The following FGGY variants were observed in gnomAD, a reference collection of about 807,000 sequenced individuals.
The protein encoded by FGGY is FGGY carbohydrate kinase domain containing.
Under a neutral mutation model 71.3 loss-of-function variants are expected in FGGY, and 72 were observed. The ratio of observed to expected loss-of-function variants is 1.01; its 90% CI spans 0.84 to 1.23. The LOEUF is 1.23. Among genes scored for constraint, FGGY ranks in the 50% most tolerant of loss-of-function variants. The pLI is 0.00. For synonymous variants in FGGY, 251 were observed against 250.3 expected (o/e 1.00, Z -0.02); for missense variants, 668 against 682.3 (o/e 0.98, Z 0.23).
At chr1:59,366,602 A>G (rs1343055156) in intron 4 of FGGY, among the ~76,000 whole-genome samples, 1 of 152,154 alleles carries the variant, frequency 6.6e-6, no homozygotes, top group Non-Finnish European at 1.5e-5. Flanking sequence ...ATTGTCATAT[A>G]TCATCTTATT....
chr1:59,526,625 G>A (rs191802142), intron 7 of FGGY, among the ~76,000 whole-genome samples: 3 of 152,358 alleles, frequency 2.0e-5, no homozygotes, highest in Admixed American at 2.0e-4. Flanking sequence ...CTCCTAGAAA[G>A]TGAAAACTTG....
chr1:59,355,024 G>A (rs1419342592), intron 4 of FGGY, among the ~76,000 whole-genome samples: 1 of 152,250 alleles, frequency 6.6e-6, no homozygotes, highest in Non-Finnish European at 1.5e-5. Flanking sequence ...GTTTGGCGAA[G>A]TGGGCAAAGG....
intron 8 of FGGY, among the ~76,000 whole-genome samples, chr1:59,576,738 G>A (rs868697089): frequency 6.7e-6 from 1 of 149,858 alleles, no homozygotes; most frequent in African/African-American, 2.5e-5. Flanking sequence ...TTGAGTAAAT[G>A]ATCTTCCAAA....
chr1:59,607,654 A>T (rs987000982), intron 8 of FGGY, 149 bp from the exon 9 acceptor site: 1 of 553,060 alleles, frequency 1.8e-6, no homozygotes, highest in South Asian at 2.7e-5. Context: ...AAAAGGAGCC[A>T]TGGCCTTTCT....
In FGGY at chr1:59,650,390, A is replaced by C. The variant is rs1483534408; in HGVS notation, c.1222-9829A>C. On this transcript the variant is annotated intron_variant, in intron 11 of 15. Transcript: ENST00000303721. ...GAATCCGTCTGGTCCTGGACTTTTT[A>C]TGGTTGGTAAGCTATTAATTATTGC... Among the ~76,000 whole-genome samples the C allele has an allele frequency of 3.3e-5, 4 of 122,184 alleles. No individual in the cohort carries two copies. In the South Asian group the frequency reaches 1.1e-3, roughly 33 times the overall value. The allele number at this position is 122,184 out of a possible 152,430, so 80.2% of individuals were successfully genotyped here.
intron 8 of FGGY, among the ~76,000 whole-genome samples, chr1:59,555,519 C>T (rs1394914041): frequency 6.6e-6 from 1 of 152,180 alleles, no homozygotes; most frequent in Non-Finnish European, 1.5e-5. Context: ...ATCACAAGGG[C>T]TCACTCTTAA....
At chr1:59,697,547 A>G in intron 14 of FGGY, 4 of 573,112 alleles carry the variant, frequency 7.0e-6, no homozygotes, top group Non-Finnish European at 1.2e-5. Context: ...TCTTGGTTGT[A>G]TTCTTAATGC....
chr1:59,417,449 T>C (rs2064661976), intron 5 of FGGY, among the ~76,000 whole-genome samples: 1 of 152,242 alleles, frequency 6.6e-6, no homozygotes, highest in Admixed American at 6.5e-5. Context: ...TTGAATTCTC[T>C]TGAGCCTATT....
intron 4 of FGGY, among the ~76,000 whole-genome samples, chr1:59,361,613 C>G (rs1180112860): frequency 6.6e-6 from 1 of 152,130 alleles, no homozygotes; most frequent in Non-Finnish European, 1.5e-5. Context: ...ATATTCCATG[C>G]TATTAATTAC....
rs71046332 is a variant in FGGY at position 59,503,594 on chromosome 1, C to CATATATATATATATATATAT, written c.671-8711_671-8692dup. 1.4e-3 allele frequency among the ~76,000 whole-genome samples: 178 copies of CATATATATATATATATATAT among 127,610 alleles called. 2 individuals are homozygous for CATATATATATATATATATAT. Among genetic ancestry groups the CATATATATATATATATATAT allele is most frequent in the African/African-American group, 5.2e-3 (166 of 31,880 alleles). 83.7% of individuals were successfully genotyped at this position (127,610 alleles called of 152,430 possible). On this transcript the variant is annotated intron_variant, in intron 6 of 15. Transcript: ENST00000303721. ...TACGCATTGGCTTTTGTGGTGTCGC[C>CATATATATATATATATATAT]ATATATATATATATATATATATATA...
chr1:59,484,375 A>G (rs1031201904), intron 6 of FGGY, among the ~76,000 whole-genome samples: 17 of 151,892 alleles, frequency 1.1e-4, no homozygotes, highest in Admixed American at 3.9e-4. Context: ...TCCCTTTTCT[A>G]TTATGGTCCA....
intron 6 of FGGY, among the ~76,000 whole-genome samples, chr1:59,472,906 C>T (rs2093041103): frequency 6.6e-6 from 1 of 152,162 alleles, no homozygotes; most frequent in Non-Finnish European, 1.5e-5. Context: ...CCAATCAACA[C>T]TCTGTATCTA....
At chr1:59,617,216 G>C (rs1389868939) in intron 9 of FGGY, among the ~76,000 whole-genome samples, 8 of 151,712 alleles carry the variant, frequency 5.3e-5, no homozygotes, top group African/African-American at 1.9e-4. Flanking sequence ...ATAAGAGACG[G>C]GAAGTGAGAA....
chr1:59,641,434 AC>A, intron 11 of FGGY: 1 of 1,159,304 alleles, frequency 8.6e-7, no homozygotes, highest in Non-Finnish European at 1.3e-6. Context: ...CCTGTGCTAA[AC>A]CCAGGTAATA....
intron 14 of FGGY, among the ~76,000 whole-genome samples, chr1:59,680,488 GAAAA>G (rs536358649): frequency 1.3e-5 from 1 of 77,972 alleles, no homozygotes; most frequent in Non-Finnish European, 2.8e-5. Context: ...GACCCCTCCA[GAAAA>G]AAAAAAAAAA....
intron 10 of FGGY, among the ~76,000 whole-genome samples, chr1:59,628,447 A>G (rs2096879188): frequency 6.6e-6 from 1 of 152,230 alleles, no homozygotes; most frequent in South Asian, 2.1e-4. Flanking sequence ...TTAAGGAGGT[A>G]CTACAGCTGT....
chr1:59,637,851 G>A (rs766087243), intron 10 of FGGY, among the ~76,000 whole-genome samples: 16 of 152,080 alleles, frequency 1.1e-4, no homozygotes, highest in Non-Finnish European at 2.2e-4. Context: ...AAAATACTGC[G>A]CCTTCACATA....
intron 6 of FGGY, among the ~76,000 whole-genome samples, chr1:59,467,476 A>C (rs1047794184): frequency 2.6e-5 from 4 of 151,876 alleles, no homozygotes; most frequent in Admixed American, 2.6e-4. Flanking sequence ...GTGCACATGT[A>C]CCTTAGAACT....
chr1:59,658,206 C>T (rs1032230334), intron 11 of FGGY, among the ~76,000 whole-genome samples: 6 of 152,120 alleles, frequency 3.9e-5, no homozygotes, highest in African/African-American at 1.4e-4. Flanking sequence ...TCTGTGTTCC[C>T]TTAGGCACAT....
Sources: allele counts gnomAD v4.1 joint callset (sites outside exome capture counted in the v4.1 genomes callset), GRCh38; gene constraint gnomAD v4.1.1; transcripts MANE v1.5; gene names NCBI Gene and HGNC (gene_info 2026-07-23, HGNC 2026-07-21).